HERC4: variants seen among roughly 807,000 people sequenced by gnomAD.
HERC4 encodes the protein HECT and RLD domain containing E3 ubiquitin protein ligase 4.
A neutral mutation model predicts 124.3 loss-of-function variants in HERC4; 28 were observed. The ratio of observed to expected loss-of-function variants is 0.23; its 90% CI spans 0.17 to 0.31. The LOEUF is 0.31. Ranked by LOEUF, HERC4 falls within the 10% of genes least tolerant of loss-of-function variation. The probability of loss-of-function intolerance (pLI) is 1.00; values close to 1 mark genes in which losing one functional copy is unlikely to be tolerated. For synonymous variants in HERC4, 407 were observed against 421.5 expected (o/e 0.97, Z 0.42); for missense variants, 713 against 1,229.3 (o/e 0.58, Z 6.28).
In HERC4 at chr10:68,003,760, T is replaced by A. The variant is rs577146046; in HGVS notation, c.1069+10266A>T. ...ACCACATTTTCTTTATCCATGTCTG[T>A]TGATGAACACTTAAATTGATTCCAA... On this transcript the variant is annotated intron_variant, in intron 9 of 24. Transcript: ENST00000373700. 2.8e-4 allele frequency among the ~76,000 whole-genome samples: 43 copies of A among 152,324 alleles called. 1 individual carries two copies. Among genetic ancestry groups the A allele is most frequent in the African/African-American group, 1.0e-3 (42 of 41,570 alleles).
intron 9 of HERC4, chr10:67,993,314 C>T (rs935936643): frequency 1.3e-5 from 2 of 150,250 alleles, no homozygotes; most frequent in African/African-American, 4.9e-5. Context: ...CACTGCACTC[C>T]AGCCTGGGCC....
intron 3 of HERC4, among the ~76,000 whole-genome samples, chr10:68,058,154 G>T (rs1564604973): frequency 6.6e-6 from 1 of 151,954 alleles, no homozygotes; most frequent in Non-Finnish European, 1.5e-5. Flanking sequence ...GAAGGTAAAG[G>T]AATCCAATCC....
intron 4 of HERC4, among the ~76,000 whole-genome samples, chr10:68,041,504 T>G (rs1355582824): frequency 6.6e-6 from 1 of 152,192 alleles, no homozygotes; most frequent in East Asian, 1.9e-4. Flanking sequence ...TAAATTGTAT[T>G]TTTGACCAAG....
At chr10:67,967,797 A>G (rs561554713) in intron 15 of HERC4, among the ~76,000 whole-genome samples, 26 of 152,168 alleles carry the variant, frequency 1.7e-4, no homozygotes, top group Non-Finnish European at 3.4e-4. Flanking sequence ...AATACAAGGG[A>G]TAGAGGAACA....
intron 9 of HERC4, among the ~76,000 whole-genome samples, chr10:68,012,285 A>AAC (rs2038006013): frequency 6.6e-6 from 1 of 152,190 alleles, no homozygotes; most frequent in African/African-American, 2.4e-5. Context: ...AAGTTGCATT[A>AAC]ACAACTTGGA....
At chr10:68,034,253 C>T in intron 5 of HERC4, 67 bp from the exon 6 acceptor site, 1 of 1,100,624 alleles carries the variant, frequency 9.1e-7, no homozygotes, top group South Asian at 1.4e-5. Flanking sequence ...TGAAAATAAT[C>T]ATTTCATTTC....
At chr10:67,967,394 C>T (rs542471085) in intron 15 of HERC4, among the ~76,000 whole-genome samples, 2 of 152,016 alleles carry the variant, frequency 1.3e-5, no homozygotes, top group East Asian at 1.9e-4. Context: ...AAACTGTATA[C>T]GGTATATATA....
At chr10:68,036,208 C>T (rs1045936852) in intron 5 of HERC4, among the ~76,000 whole-genome samples, 5 of 151,162 alleles carry the variant, frequency 3.3e-5, no homozygotes, top group African/African-American at 1.2e-4. Context: ...GTCCCAGCTA[C>T]TAGGGAGGCT....
chr10:68,055,521 G>A (rs994501652), intron 3 of HERC4, among the ~76,000 whole-genome samples: 1 of 152,056 alleles, frequency 6.6e-6, no homozygotes, highest in Admixed American at 6.6e-5. Context: ...CGTATATAAA[G>A]AGCTTATGTG....
intron 15 of HERC4, 112 bp from the exon 16 acceptor site, chr10:67,966,914 G>C: frequency 1.4e-6 from 1 of 700,684 alleles, no homozygotes; most frequent in Non-Finnish European, 2.1e-6. Flanking sequence ...GAGTGCAGTG[G>C]CACAATCTCA....
At chr10:67,927,409 TATATATATATATATATATATA>T (rs1564910883) in intron 23 of HERC4, among the ~76,000 whole-genome samples, 53 of 10,376 alleles carry the variant, frequency 5.1e-3, no homozygotes, top group Middle Eastern at 0.029. Context: ...TATATATATA[TATATATATATATATATATATA>T]TTTTTTTTTT....
At chr10:67,923,796 T>C (rs1267311067) in intron 24 of HERC4, among the ~76,000 whole-genome samples, 2 of 151,876 alleles carry the variant, frequency 1.3e-5, no homozygotes, top group Admixed American at 1.3e-4. Flanking sequence ...CTCATCCTTA[T>C]GACACACAGA....
chr10:68,072,409 A>G lies in HERC4; in HGVS notation c.226+474T>C, dbSNP rs117842527. 1.4e-4 allele frequency among the ~76,000 whole-genome samples: 21 copies of G among 152,330 alleles called. No homozygotes were observed. In the East Asian group the frequency reaches 2.3e-3, roughly 17 times the overall value. On this transcript the variant is annotated intron_variant, in intron 3 of 24. Transcript: ENST00000373700. ...ATTTCTAACTAAATCAAATAAAATT[A>G]CATATTTAAAATACTATGACAGAGG...
intron 9 of HERC4, 136 bp downstream of exon 9, chr10:68,013,890 A>G (rs1311952828): frequency 3.0e-5 from 20 of 664,564 alleles, no homozygotes; most frequent in Admixed American, 1.3e-4. Flanking sequence ...ACAACCATAT[A>G]CATTGTTCTA....
intron 9 of HERC4, among the ~76,000 whole-genome samples, chr10:67,998,801 C>A (rs1476155930): frequency 6.6e-6 from 1 of 151,954 alleles, no homozygotes; most frequent in African/African-American, 2.4e-5. Context: ...TGCAATGGTG[C>A]AATCTCAGCT....
At chr10:67,998,093 T>A (rs754761793) in intron 9 of HERC4, among the ~76,000 whole-genome samples, 1 of 151,810 alleles carries the variant, frequency 6.6e-6, no homozygotes, top group Non-Finnish European at 1.5e-5. Flanking sequence ...GAGAGGGGGT[T>A]CCACCATGTT....
chr10:67,965,181 C>G (rs879635478), intron 16 of HERC4: 4 of 152,174 alleles, frequency 2.6e-5, no homozygotes, highest in Admixed American at 1.3e-4. Flanking sequence ...TCTTAAAGGG[C>G]TGCTCCTTGT....
chr10:68,048,425 A>G (rs1169906254), intron 3 of HERC4, among the ~76,000 whole-genome samples: 1 of 152,198 alleles, frequency 6.6e-6, no homozygotes, highest in African/African-American at 2.4e-5. Flanking sequence ...GCTACAAACT[A>G]CATGATCCCA....
chr10:68,062,204 ATAT>A (rs1041084499), intron 3 of HERC4, among the ~76,000 whole-genome samples: 1 of 152,136 alleles, frequency 6.6e-6, no homozygotes, highest in Non-Finnish European at 1.5e-5. Context: ...TGCTCACTTA[ATAT>A]TATTAAGTTT....
Sources: gnomAD v4.1 joint callset for allele counts (sites outside exome capture counted in the v4.1 genomes callset) on GRCh38, gnomAD v4.1.1 for gene constraint, MANE v1.5 for transcripts, NCBI Gene and HGNC (gene_info 2026-07-23, HGNC 2026-07-21) for gene names.